The following DNAH11 variants were observed in gnomAD, a reference collection of about 807,000 sequenced individuals.
DNAH11 encodes the protein dynein axonemal heavy chain 11, also known as axonemal beta dynein heavy chain 11.
DNAH11 carries 442 observed loss-of-function variants against 526.0 expected under a neutral mutation model. That is an observed-to-expected ratio of 0.84 (90% CI 0.78 to 0.91). The LOEUF (loss-of-function observed/expected upper bound fraction) is 0.91. Among genes scored for constraint, DNAH11 ranks in the 40% least tolerant of loss-of-function variants. DNAH11 has a pLI of 0.00. For synonymous variants in DNAH11, 2,461 were observed against 1,935.9 expected, an observed-to-expected ratio of 1.27 and a Z score of -7.12; for missense variants, 6,989 against 5,448.7, an observed-to-expected ratio of 1.28 and a Z score of -8.90.
chr7:21,634,981 C>G (rs16872823), intron 25 of DNAH11, among the ~76,000 whole-genome samples: 14,753 of 151,944 alleles, frequency 0.097, 768 homozygotes, highest in South Asian at 0.17. Context: ...GAAACAAAAA[C>G]CACATTAATT....
At chr7:21,728,798 A>T (rs1333242234) in intron 45 of DNAH11, among the ~76,000 whole-genome samples, 1 of 152,214 alleles carries the variant, frequency 6.6e-6, no homozygotes, top group Non-Finnish European at 1.5e-5. Context: ...AAAGGGAGAA[A>T]TCAGAAGAAA....
At chr7:21,704,394 A>C in intron 37 of DNAH11, 40 bp from the exon 38 acceptor site, 1 of 1,563,638 alleles carries the variant, frequency 6.4e-7, no homozygotes, top group Non-Finnish European at 8.7e-7. Flanking sequence ...TGTTTGTTAG[A>C]CCTTGTATTG....
chr7:21,651,614 T>A (rs1363341671), intron 28 of DNAH11, among the ~76,000 whole-genome samples: 1 of 152,220 alleles, frequency 6.6e-6, no homozygotes, highest in South Asian at 2.1e-4. Context: ...AGCTAGTGAT[T>A]AGGTATTTTC....
chr7:21,847,650 G>A (rs1782467188), intron 66 of DNAH11, among the ~76,000 whole-genome samples: 1 of 152,144 alleles, frequency 6.6e-6, no homozygotes, highest in Non-Finnish European at 1.5e-5. Flanking sequence ...TCTGTAAGTG[G>A]ATGAAGTAGT....
At chr7:21,606,615 C>CTTTTTTTTT in intron 19 of DNAH11, 32 bp from the exon 20 acceptor site, 1 of 1,195,024 alleles carries the variant, frequency 8.4e-7, no homozygotes, top group East Asian at 2.8e-5. Context: ...TTGAAATTCA[C>CTTTTTTTTT]TTTTTTTTTT....
At position 21,842,590 on chromosome 7, in the gene DNAH11, C is replaced by A. The variant is rs72657399; in HGVS notation, c.10738C>A (p.Arg3580Ser). The A allele has an allele frequency of 1.2e-6, 2 of 1,613,786 alleles. No homozygotes were observed. Among genetic ancestry groups the A allele is most frequent in the Non-Finnish European group, 1.7e-6 (2 of 1,179,878 alleles). The change falls in exon 66 of 82, where the codon CGC (arginine) becomes AGC (serine). Residue 3580 changes from arginine (R) to serine (S), a missense_variant. Coordinates refer to ENST00000409508, the MANE Select transcript of DNAH11 (RefSeq NM_001277115.2). ...AGAATGTGAATTTAACAAGAACTTT[C>A]GCCTTATCCTTCACACAAAATTGGC... Reference protein sequence around the residue: ...DKECEFNKNFRLILHTKLANP... With the variant: ...DKECEFNKNFSLILHTKLANP...
chr7:21,555,559 G>A (rs900967176), intron 2 of DNAH11, among the ~76,000 whole-genome samples: 7 of 152,188 alleles, frequency 4.6e-5, no homozygotes, highest in Non-Finnish European at 1.0e-4. Flanking sequence ...ACTATGGATT[G>A]GGATTCGAAC....
chr7:21,881,113 G>A (rs1190034653), intron 75 of DNAH11, among the ~76,000 whole-genome samples: 2 of 151,698 alleles, frequency 1.3e-5, no homozygotes, highest in African/African-American at 2.4e-5. Flanking sequence ...TTCTACATCA[G>A]CAGCTTAGTG....
intron 23 of DNAH11, 28 bp downstream of exon 23, chr7:21,617,805 C>T (rs1414408731): frequency 6.5e-7 from 1 of 1,545,976 alleles, no homozygotes; most frequent in South Asian, 1.3e-5. Flanking sequence ...CACTAATGAA[C>T]CTTTTTATGA....
At chr7:21,544,146 T>C (rs893851924) in intron 1 of DNAH11, among the ~76,000 whole-genome samples, 4 of 152,194 alleles carry the variant, frequency 2.6e-5, no homozygotes, top group African/African-American at 9.7e-5. Context: ...CTTTCTTCTT[T>C]TTCTTCCTTT....
chr7:21,667,804 T>C (rs1015995132), intron 30 of DNAH11, among the ~76,000 whole-genome samples: 1 of 152,126 alleles, frequency 6.6e-6, no homozygotes, highest in Non-Finnish European at 1.5e-5. Flanking sequence ...AATAATTAAG[T>C]CAAAATCTAA....
chr7:21,789,577 C>A (rs1482450307), intron 61 of DNAH11, among the ~76,000 whole-genome samples: 1 of 152,046 alleles, frequency 6.6e-6, no homozygotes, highest in Non-Finnish European at 1.5e-5. Flanking sequence ...GAAACATTTG[C>A]AGTCTGATAG....
At chr7:21,703,588 C>A (rs1367038677) in intron 37 of DNAH11, 1 of 152,084 alleles carries the variant, frequency 6.6e-6, no homozygotes. Context: ...TTTAAACCAT[C>A]GGATCTCGTG....
intron 20 of DNAH11, among the ~76,000 whole-genome samples, chr7:21,610,346 C>T (rs867533905): frequency 6.6e-6 from 1 of 152,062 alleles, no homozygotes; most frequent in African/African-American, 2.4e-5. Context: ...TTTATACTAC[C>T]CCTCTGATTA....
chr7:21,683,645 T>A, intron 31 of DNAH11, 139 bp from the exon 32 acceptor site: 2 of 856,538 alleles, frequency 2.3e-6, no homozygotes, highest in Non-Finnish European at 3.4e-6. Flanking sequence ...GTATATGCTA[T>A]TATAATTTGC....
intron 34 of DNAH11, among the ~76,000 whole-genome samples, chr7:21,690,190 A>G (rs535775083): frequency 2.0e-5 from 3 of 152,304 alleles, no homozygotes; most frequent in Non-Finnish European, 2.9e-5. Flanking sequence ...AGGGAATTGG[A>G]ACATAGGATA....
chr7:21,881,413 T>A lies in DNAH11; in HGVS notation c.12387+520T>A, dbSNP rs1042880963. Among the ~76,000 whole-genome samples, 61 of 152,210 alleles carry A rather than the reference T, an allele frequency of 4.0e-4. 1 individual carries two copies. The highest frequency in any genetic ancestry group is 1.4e-3 in the African/African-American group (58 of 41,444). ...ACTTTCTCAGTAATGTTCCCCTTGATTTGAAGTTAAAGGTAGATGAATGAT... is the reference window on the plus strand; with the variant it reads ...ACTTTCTCAGTAATGTTCCCCTTGAATTGAAGTTAAAGGTAGATGAATGAT... On this transcript the variant is annotated intron_variant, in intron 75 of 81. Coordinates refer to ENST00000409508, the MANE Select transcript of DNAH11 (RefSeq NM_001277115.2).
At chr7:21,820,999 C>T (rs1177159712) in intron 65 of DNAH11, among the ~76,000 whole-genome samples, 1 of 152,074 alleles carries the variant, frequency 6.6e-6, no homozygotes, top group Non-Finnish European at 1.5e-5. Flanking sequence ...TGGTATGAGC[C>T]TAAACTTAGG....
intron 2 of DNAH11, among the ~76,000 whole-genome samples, chr7:21,548,070 T>A (rs1026933567): frequency 2.0e-5 from 3 of 152,172 alleles, no homozygotes; most frequent in African/African-American, 7.2e-5. Flanking sequence ...ACCTTTTCAT[T>A]TTTTAAAGCA....
Sources: allele counts gnomAD v4.1 joint callset (sites outside exome capture counted in the v4.1 genomes callset), GRCh38; gene constraint gnomAD v4.1.1; transcripts MANE v1.5; gene names NCBI Gene and HGNC (gene_info 2026-07-23, HGNC 2026-07-21).